MICAL3: variants seen among roughly 807,000 people sequenced by gnomAD.
MICAL3 encodes the protein microtubule associated monooxygenase, calponin and LIM domain containing 3, also known as [F-actin]-monooxygenase MICAL3.
Under a neutral mutation model 207.4 loss-of-function variants are expected in MICAL3, and 62 were observed. The observed-to-expected ratio is 0.30, with a 90% CI of 0.24 to 0.37. The LOEUF (loss-of-function observed/expected upper bound fraction) is 0.37, where lower values mean the gene tolerates loss of function less well. Among genes scored for constraint, MICAL3 ranks in the 10% least tolerant of loss-of-function variants. The pLI is 1.00. For missense variants in MICAL3, 2,368 were observed against 2,635.6 expected, an observed-to-expected ratio of 0.90 and a Z score of 2.22; for synonymous variants, 1,077 against 1,069.3, an observed-to-expected ratio of 1.01 and a Z score of -0.14.
At chr22:17,953,362 A>T (rs899299145) in intron 1 of MICAL3, among the ~76,000 whole-genome samples, 1 of 151,956 alleles carries the variant, frequency 6.6e-6, no homozygotes, top group Non-Finnish European at 1.5e-5. Context: ...ACTCCTTCCC[A>T]CCTCTGAAAC....
chr22:17,906,118 C>T (rs1931697972), intron 2 of MICAL3, among the ~76,000 whole-genome samples: 3 of 152,190 alleles, frequency 2.0e-5, no homozygotes, highest in South Asian at 2.1e-4. Flanking sequence ...CTCCGAACCA[C>T]GTGAGGTTCA....
chr22:17,960,915 T>C (rs5992916), intron 1 of MICAL3, among the ~76,000 whole-genome samples: 89,711 of 151,932 alleles, frequency 0.59, 27,073 homozygotes, highest in Middle Eastern at 0.77. Context: ...TGCTGGGTCA[T>C]GAGGTGAGCA....
chr22:18,001,919 C>T (rs1602387085), intron 1 of MICAL3, among the ~76,000 whole-genome samples: 3 of 152,300 alleles, frequency 2.0e-5, no homozygotes, highest in East Asian at 1.9e-4. Flanking sequence ...ACTTGTTGGC[C>T]GGGCGCGGTG....
intron 1 of MICAL3, among the ~76,000 whole-genome samples, chr22:17,976,809 T>C (rs903485163): frequency 6.8e-6 from 1 of 146,208 alleles, no homozygotes; most frequent in Non-Finnish European, 1.5e-5. Context: ...AGAGACTTCT[T>C]CTTTTTTTTT....
intron 29 of MICAL3, among the ~76,000 whole-genome samples, chr22:17,794,053 G>C (rs2061851239): frequency 6.6e-6 from 1 of 152,236 alleles, no homozygotes; most frequent in Non-Finnish European, 1.5e-5. Flanking sequence ...CTGAACGAGA[G>C]CAGATCCAGC....
Position 17,790,532 on chromosome 22 carries a change from G to A in MICAL3, c.*200C>T, listed in dbSNP as rs1468222060. 7 of 589,838 alleles carry A rather than the reference G, an allele frequency of 1.2e-5. No individual in the cohort carries two copies. In the Admixed American group the frequency reaches 2.1e-4, roughly 18 times the overall value. The allele number at this position is 589,838 out of a possible 1,614,324, so 36.5% of individuals were successfully genotyped here. ...GTCCAGGTGGGCCTCCTCCCAGGAG[G>A]TGGAGCCGTCTCAGATAACCACTGT... On this transcript the variant is annotated 3_prime_UTR_variant, in exon 32 of 32. Transcript: ENST00000441493.
chr22:17,818,839 G>A lies in MICAL3; in HGVS notation c.3822C>T (p.Ser1274=). The A allele has an allele frequency of 6.4e-7, 1 of 1,555,156 alleles. No individual in the cohort carries two copies. Among genetic ancestry groups the A allele is most frequent in the South Asian group, 1.2e-5 (1 of 81,696 alleles). ...GGAAGCGTATGGGGGACTGGGTAGG[G>A]GATGGGACAGTGGCCTCGGTGGAAG... ...PQPSTEATVP[S]PTQSPIRFQP... The change falls in exon 26 of 32, where the codon TCC becomes TCT. Residue 1274 remains serine, a synonymous_variant. Transcript: ENST00000441493.
intron 1 of MICAL3, among the ~76,000 whole-genome samples, chr22:17,979,417 C>T (rs1283930652): frequency 3.9e-5 from 6 of 151,992 alleles, no homozygotes; most frequent in African/African-American, 1.2e-4. Context: ...TGGTGCTGGG[C>T]GCCTGTAATC....
intron 9 of MICAL3, 142 bp from the exon 10 acceptor site, chr22:17,895,552 A>C: frequency 2.1e-6 from 2 of 953,414 alleles, no homozygotes. Flanking sequence ...CTTGAGTCCT[A>C]CGTCAGCCCC....
chr22:18,014,843 A>G (rs186974634), intron 1 of MICAL3, among the ~76,000 whole-genome samples: 2,811 of 152,072 alleles, frequency 0.018, 42 homozygotes, highest in Non-Finnish European at 0.029. Context: ...AATACAAAAA[A>G]TTAGCCAGGC....
In MICAL3 at chr22:17,812,438, G is replaced by A. The variant is rs770070411; in HGVS notation, c.5446-1625C>T. ...AGTGAGGATGTGGCTGGAGGGCCGG[G>A]GCCGGCGCCGGGTGGTTAATCACAG... On this transcript the variant is annotated intron_variant, in intron 27 of 31. Coordinates refer to ENST00000441493, the MANE Select transcript of MICAL3 (RefSeq NM_015241.3). 18 of 844,108 alleles carry A rather than the reference G, an allele frequency of 2.1e-5. No homozygotes were observed. The African/African-American group carries it at 2.6e-4, about 12-fold the overall frequency. The allele number at this position is 844,108 out of a possible 1,614,324, so 52.3% of individuals were successfully genotyped here. A position where few individuals can be genotyped will look rare whatever the true frequency, so the allele number is the denominator to read the frequency against.
At chr22:18,017,190 G>A (rs1316518416) in intron 1 of MICAL3, among the ~76,000 whole-genome samples, 2 of 151,620 alleles carry the variant, frequency 1.3e-5, no homozygotes, top group African/African-American at 4.8e-5. Flanking sequence ...TTTTTGAAAT[G>A]AATTATTGGT....
chr22:17,962,096 G>A (rs1412972625), intron 1 of MICAL3, among the ~76,000 whole-genome samples: 1 of 152,210 alleles, frequency 6.6e-6, no homozygotes, highest in Non-Finnish European at 1.5e-5. Flanking sequence ...GGAGAGAGGG[G>A]TAGGTCTGTC....
chr22:17,960,223 A>G (rs1205618099), intron 1 of MICAL3, among the ~76,000 whole-genome samples: 6 of 151,996 alleles, frequency 3.9e-5, no homozygotes, highest in Non-Finnish European at 8.8e-5. Context: ...TTCTCACTAC[A>G]CTGTTGCTAC....
At position 17,949,969 on chromosome 22, in the gene MICAL3, T is replaced by C. The variant is rs560851669; in HGVS notation, c.-74-43083A>G. Among the ~76,000 whole-genome samples, 11 of 152,258 alleles carry C rather than the reference T, an allele frequency of 7.2e-5. No homozygotes were observed. The South Asian group carries it at 2.3e-3, about 32-fold the overall frequency. On this transcript the variant is annotated intron_variant, in intron 1 of 31. Coordinates refer to ENST00000441493, the MANE Select transcript of MICAL3 (RefSeq NM_015241.3). ...TGCTGCTGACCAACAGGAGCTAAAG[T>C]GCTTCCAGAGACTCCCTGGGGTGGT... is the stretch of plus-strand genomic sequence containing the variant.
At chr22:17,856,499 C>T (rs1328267625) in intron 19 of MICAL3, among the ~76,000 whole-genome samples, 5 of 152,122 alleles carry the variant, frequency 3.3e-5, no homozygotes, top group Non-Finnish European at 1.5e-5. Context: ...CCAGCGTTCC[C>T]GTGCCTCTAC....
At chr22:18,016,871 C>T (rs974568883) in intron 1 of MICAL3, among the ~76,000 whole-genome samples, 30 of 151,570 alleles carry the variant, frequency 2.0e-4, no homozygotes, top group East Asian at 1.6e-3. Context: ...ACCCGGGAGG[C>T]GGAGCTCGCA....
intron 16 of MICAL3, among the ~76,000 whole-genome samples, chr22:17,882,451 C>T (rs973058334): frequency 6.6e-6 from 1 of 152,202 alleles, no homozygotes; most frequent in Non-Finnish European, 1.5e-5. Context: ...GAGGGCCAGC[C>T]ATGGGAGGCA....
intron 9 of MICAL3, among the ~76,000 whole-genome samples, chr22:17,896,028 T>C (rs1329446230): frequency 6.6e-6 from 1 of 152,230 alleles, no homozygotes; most frequent in Non-Finnish European, 1.5e-5. Flanking sequence ...GAAATTTATC[T>C]TGGAAAGGAG....
Sources: gnomAD v4.1 joint callset for allele counts (sites outside exome capture counted in the v4.1 genomes callset) on GRCh38, gnomAD v4.1.1 for gene constraint, MANE v1.5 for transcripts, NCBI Gene and HGNC (gene_info 2026-07-23, HGNC 2026-07-21) for gene names.